NUP210: variants seen among roughly 807,000 people sequenced by gnomAD.
NUP210 encodes the protein nuclear pore membrane glycoprotein 210.
Under a neutral mutation model 196.0 loss-of-function variants are expected in NUP210, and 151 were observed. The observed-to-expected ratio is 0.77, with a 90% confidence interval of 0.67 to 0.88. The LOEUF is 0.88. Among genes scored for constraint, NUP210 ranks in the 40% least tolerant of loss-of-function variants. NUP210 has a pLI of 0.00. For synonymous variants in NUP210, 1,070 were observed against 1,052.7 expected, an observed-to-expected ratio of 1.02 and a Z score of -0.32; for missense variants, 2,314 against 2,493.7, an observed-to-expected ratio of 0.93 and a Z score of 1.53.
chr3:13,410,542 T>C (rs1159340354), intron 1 of NUP210, among the ~76,000 whole-genome samples: 2 of 150,544 alleles, frequency 1.3e-5, no homozygotes, highest in African/African-American at 2.4e-5. Context: ...CCCTAACACT[T>C]TGGGAGGCCA....
intron 21 of NUP210, 139 bp downstream of exon 21, chr3:13,343,036 G>A (rs1697575529): frequency 2.0e-6 from 2 of 1,008,694 alleles, no homozygotes; most frequent in East Asian, 4.9e-5. Flanking sequence ...ATGGGAGACA[G>A]CTCCGCAAGC....
At chr3:13,415,727 T>C (rs1475815205) in intron 1 of NUP210, among the ~76,000 whole-genome samples, 1 of 152,168 alleles carries the variant, frequency 6.6e-6, no homozygotes, top group South Asian at 2.1e-4. Flanking sequence ...ACAGGCCCTG[T>C]TGCCTCACCT....
chr3:13,341,906 G>C lies in NUP210; in HGVS notation c.3093-23C>G, dbSNP rs747935142. 4 of 1,614,062 alleles carry C rather than the reference G, an allele frequency of 2.5e-6. No individual in the cohort carries two copies. In the South Asian group the frequency reaches 4.4e-5, roughly 18 times the overall value. ...GCCCTGAAACAGAGGGAAGGGCTGG[G>C]ACTTCTCCAAGACCACCCCGTGGGA... On this transcript the variant is annotated intron_variant, in intron 22 of 39. Coordinates refer to ENST00000254508, the MANE Select transcript of NUP210 (RefSeq NM_024923.4).
Position 13,350,271 on chromosome 3 carries a change from T to TGC in NUP210, c.2835+1606_2835+1607dup, listed in dbSNP as rs1346138034. Among the ~76,000 whole-genome samples, 2 of 151,896 alleles carry TGC rather than the reference T, an allele frequency of 1.3e-5. No individual in the cohort carries two copies. The highest frequency in any genetic ancestry group is 2.9e-5 in the Non-Finnish European group (2 of 68,006). On this transcript the variant is annotated intron_variant, in intron 20 of 39. Transcript: ENST00000254508. This position sits in a 1 kb window ranked among gnomAD's most constrained non-coding sequence, Gnocchi z 4.1. Reference sequence around the variant, plus strand: ...CACAGCCTGTGTGTTTGTGTGTGTGTGCGCGTGTGTTTTTGTGTCTTCAGC... The same window carrying TGC: ...CACAGCCTGTGTGTTTGTGTGTGTGTGCGCGCGTGTGTTTTTGTGTCTTCAGC...
chr3:13,329,677 C>T (rs1030119343), intron 30 of NUP210, among the ~76,000 whole-genome samples: 1 of 152,216 alleles, frequency 6.6e-6, no homozygotes, highest in Non-Finnish European at 1.5e-5. Context: ...GTGACCCAGG[C>T]AGAGTCTAAA....
chr3:13,356,846 G>T (rs1032806689), intron 16 of NUP210, among the ~76,000 whole-genome samples: 5 of 152,232 alleles, frequency 3.3e-5, no homozygotes, highest in Non-Finnish European at 2.9e-5. Flanking sequence ...TAAGTCCAGA[G>T]AGACAACACT....
Position 13,321,769 on chromosome 3 carries a change from T to C in NUP210, c.4982A>G (p.Lys1661Arg), listed in dbSNP as rs773330315. The change falls in exon 36 of 40, where the codon AAG (lysine) becomes AGG (arginine). Residue 1661 changes from lysine to arginine, a missense_variant. Physicochemically the swap from Lys to Arg is conservative, Grantham distance 26 (BLOSUM62 2). Transcript: ENST00000254508. The part of the protein sequence containing the change: ...TDKQRKHLSM[K>R]KTALVVSASL... ...GGCACTGACCACCAGAGCTGTCTTCTTCATGCTCAGGTGCTTCCGCTGCTT... is the reference window on the plus strand; with the variant it reads ...GGCACTGACCACCAGAGCTGTCTTCCTCATGCTCAGGTGCTTCCGCTGCTT... 14 of 1,613,014 alleles carry C rather than the reference T, an allele frequency of 8.7e-6. No individual in the cohort carries two copies.
intron 20 of NUP210, 36 bp from the exon 21 acceptor site, chr3:13,343,339 T>TG: frequency 7.1e-5 from 20 of 282,480 alleles, no homozygotes; most frequent in Non-Finnish European, 8.6e-5. Context: ...GGGTGGGTGG[T>TG]GGGTTACGCA....
At chr3:13,407,730 T>C (rs1372082303) in intron 1 of NUP210, among the ~76,000 whole-genome samples, 1 of 152,130 alleles carries the variant, frequency 6.6e-6, no homozygotes, top group African/African-American at 2.4e-5. Flanking sequence ...GCAACACCCA[T>C]GCCCCTCCTA....
intron 37 of NUP210, 128 bp from the exon 38 acceptor site, chr3:13,319,453 C>A: frequency 1.2e-6 from 1 of 820,960 alleles, no homozygotes; most frequent in Non-Finnish European, 2.0e-6. Context: ...ATGGTGGTCT[C>A]AGAGGGCCAG....
At chr3:13,374,957 A>C (rs1331515997) in intron 11 of NUP210, among the ~76,000 whole-genome samples, 2 of 152,194 alleles carry the variant, frequency 1.3e-5, no homozygotes. Flanking sequence ...TGCCAGGTGG[A>C]AGTATTAAGG....
chr3:13,405,308 T>G (rs1407530637), intron 1 of NUP210, among the ~76,000 whole-genome samples: 2 of 152,160 alleles, frequency 1.3e-5, no homozygotes, highest in Non-Finnish European at 2.9e-5. Context: ...AGTGGGGATG[T>G]CAGCATCCCT....
At chr3:13,327,540 A>G (rs1386831767) in intron 31 of NUP210, 103 bp from the exon 32 acceptor site, 2 of 868,966 alleles carry the variant, frequency 2.3e-6, no homozygotes, top group South Asian at 1.7e-5. Context: ...AAAGCATTCA[A>G]CTGACTGAGG....
At position 13,319,766 on chromosome 3, in the gene NUP210, G is replaced by A. The variant is rs1315708489; in HGVS notation, c.5380C>T (p.Pro1794Ser). The A allele has an allele frequency of 6.2e-7, 1 of 1,613,880 alleles. No individual in the cohort carries two copies. The highest frequency in any genetic ancestry group is 8.5e-7 in the Non-Finnish European group (1 of 1,179,820). The change falls in exon 37 of 40, where the codon CCT becomes TCT. Residue 1794 changes from proline to serine, a missense_variant. Physicochemically the swap from Pro to Ser is moderately conservative, Grantham distance 74. Transcript: ENST00000254508. ...ATGATGTCGTTCCGTGACTCACAAGGACCGGGCCCACGGCGATCCACCACA... is the reference window on the plus strand; with the variant it reads ...ATGATGTCGTTCCGTGACTCACAAGAACCGGGCCCACGGCGATCCACCACA... ...AFVVDRRGPG[P>S]YGASLFQHFL...
chr3:13,329,714 C>T (rs1696918750), intron 30 of NUP210, among the ~76,000 whole-genome samples: 1 of 152,244 alleles, frequency 6.6e-6, no homozygotes, highest in African/African-American at 2.4e-5. Flanking sequence ...TGTCTTCTGT[C>T]ATCCAGGGTT....
chr3:13,349,062 A>AT (rs1697870359), intron 20 of NUP210, among the ~76,000 whole-genome samples: 1 of 152,220 alleles, frequency 6.6e-6, no homozygotes, highest in Admixed American at 6.5e-5. Context: ...AGACTTCCCC[A>AT]TGAAACATAC....
rs778189055 is a variant in NUP210, at chr3:13,420,127, G to A, written c.100C>T (p.Leu34=). 5.9e-6 allele frequency: 8 copies of A among 1,364,204 alleles called. No individual in the cohort carries two copies. The South Asian group carries it at 1.2e-4, about 21-fold the overall frequency. 84.5% of individuals were successfully genotyped at this position (1,364,204 alleles called of 1,614,324 possible). A position where few individuals can be genotyped will look rare whatever the true frequency, so the allele number is the denominator to read the frequency against. The change falls in exon 1 of 40, where the codon CTG becomes TTG. Residue 34 remains leucine (L), a synonymous_variant. Coordinates refer to ENST00000254508, the MANE Select transcript of NUP210 (RefSeq NM_024923.4). The surrounding 1 kb of genome is among the most constrained non-coding windows in gnomAD (Gnocchi z 4.8). The part of the protein sequence containing the change: ...AAAKLNIPKV[L]LPFTRATRVN... Reference sequence around the variant, plus strand: ...CGCGTGGCCCGCGTGAAGGGCAGCAGCACTTTGGGGATGTTGAGCTTGGCC... The same window carrying A: ...CGCGTGGCCCGCGTGAAGGGCAGCAACACTTTGGGGATGTTGAGCTTGGCC...
At chr3:13,343,406 C>T in intron 20 of NUP210, 103 bp from the exon 21 acceptor site, 1 of 1,411,178 alleles carries the variant, frequency 7.1e-7, no homozygotes, top group Non-Finnish European at 9.6e-7. Context: ...TCAGCACCAG[C>T]CTATCACCTC....
chr3:13,337,942 G>T (rs757441765), intron 25 of NUP210, 25 bp from the exon 26 acceptor site: 1 of 1,605,924 alleles, frequency 6.2e-7, no homozygotes, highest in South Asian at 1.1e-5. Context: ...TGGCACTTAG[G>T]TGTGGGGATG....
Sources: allele counts gnomAD v4.1 joint callset (sites outside exome capture counted in the v4.1 genomes callset), GRCh38; gene constraint gnomAD v4.1.1; non-coding constraint Gnocchi (gnomAD v3.1); transcripts MANE v1.5; gene names NCBI Gene and HGNC (gene_info 2026-07-23, HGNC 2026-07-21).